The following IGLL5 variants were observed in gnomAD, a reference collection of about 807,000 sequenced individuals.
IGLL5 encodes immunoglobulin lambda-like polypeptide 5.
A neutral mutation model predicts 20.9 loss-of-function variants in IGLL5; 30 were observed. The observed-to-expected ratio is 1.44, with a 90% CI of 1.07 to 1.95. IGLL5 has a LOEUF of 1.95. Ranked by LOEUF, IGLL5 falls within the 30% of genes most tolerant of loss-of-function variation. The pLI is 0.00. For synonymous variants in IGLL5, 203 were observed against 117.3 expected (o/e 1.73, Z -4.72); for missense variants, 475 against 270.7 (o/e 1.75, Z -5.30).
chr22:22,894,758 T>A (rs2066694007), intron 2 of IGLL5, among the ~76,000 whole-genome samples: 1 of 150,980 alleles, frequency 6.6e-6, no homozygotes, highest in South Asian at 2.1e-4. Flanking sequence ...GTCGGGCTTG[T>A]GGAGACAGGA....
At chr22:22,888,668 G>A (rs1356050134) in intron 1 of IGLL5, among the ~76,000 whole-genome samples, 2 of 151,310 alleles carry the variant, frequency 1.3e-5, no homozygotes, top group African/African-American at 2.4e-5. Flanking sequence ...CCTGCCCAGT[G>A]AGGGCAGGGG....
At chr22:22,888,978 A>C (rs2067672180) in intron 1 of IGLL5, among the ~76,000 whole-genome samples, 1 of 151,346 alleles carries the variant, frequency 6.6e-6, no homozygotes, top group East Asian at 2.0e-4. Flanking sequence ...GCACAGGATG[A>C]GGCTGGGAGC....
chr22:22,889,832 A>G (rs183480374), intron 1 of IGLL5, among the ~76,000 whole-genome samples: 2 of 151,442 alleles, frequency 1.3e-5, no homozygotes, highest in Admixed American at 1.3e-4. Flanking sequence ...CCTAAGCTCA[A>G]GCAATCTTTC....
At chr22:22,888,893 T>C (rs1273737635) in intron 1 of IGLL5, among the ~76,000 whole-genome samples, 4 of 151,344 alleles carry the variant, frequency 2.6e-5, no homozygotes, top group East Asian at 2.0e-4. Context: ...ATGCCCAGGC[T>C]GGTCTCACAG....
intron 2 of IGLL5, among the ~76,000 whole-genome samples, 171 bp downstream of exon 2, chr22:22,893,989 A>C (rs1326309934): frequency 2.7e-5 from 4 of 150,784 alleles, no homozygotes; most frequent in South Asian, 2.1e-4. Flanking sequence ...AACCGGCAGG[A>C]AGGGCCTCCA....
intron 1 of IGLL5, among the ~76,000 whole-genome samples, chr22:22,888,663 C>A: frequency 1.3e-5 from 2 of 151,302 alleles, no homozygotes; most frequent in East Asian, 2.0e-4. Flanking sequence ...TGCCTCCTGC[C>A]CAGTGAGGGC....
In IGLL5 at chr22:22,888,105, C is replaced by T; in HGVS notation, c.52C>T (p.Pro18Ser). The change falls in exon 1 of 3, where the codon CCT becomes TCT. Residue 18 changes from proline to serine, a missense_variant. By Grantham distance (74) the Pro-to-Ser change is moderately conservative (BLOSUM62 -1). Coordinates refer to ENST00000526893, the MANE Select transcript of IGLL5 (RefSeq NM_001178126.2). ...VGCETPEELG[P>S]GPRQRWPLLL... is the part of the protein sequence containing the mutation. ...TTGTGAGACCCCTGAGGAGCTGGGCCCTGGTCCCAGGCAGCGCTGGCCCCT... is the reference window on the plus strand; with the variant it reads ...TTGTGAGACCCCTGAGGAGCTGGGCTCTGGTCCCAGGCAGCGCTGGCCCCT... 1 of 1,549,456 alleles carries T rather than the reference C, an allele frequency of 6.5e-7. No homozygotes were observed. The highest frequency in any genetic ancestry group is 8.7e-7 in the Non-Finnish European group (1 of 1,146,674).
chr22:22,889,373 A>C (rs1601607792), intron 1 of IGLL5, among the ~76,000 whole-genome samples: 1 of 151,220 alleles, frequency 6.6e-6, no homozygotes, highest in Admixed American at 6.6e-5. Flanking sequence ...TTTTAGCAAC[A>C]GGCGGCGAGT....
intron 1 of IGLL5, among the ~76,000 whole-genome samples, chr22:22,889,513 A>C (rs533938004): frequency 1.3e-5 from 2 of 151,396 alleles, no homozygotes; most frequent in East Asian, 2.0e-4. Flanking sequence ...CAGCATTATT[A>C]GTGATGGGAG....
chr22:22,893,264 G>A (rs1185390378), intron 1 of IGLL5, among the ~76,000 whole-genome samples: 4 of 151,124 alleles, frequency 2.6e-5, no homozygotes, highest in African/African-American at 7.3e-5. Context: ...GCACTAAGTG[G>A]GACTGAACCG....
At chr22:22,891,163 C>A (rs992936508) in intron 1 of IGLL5, among the ~76,000 whole-genome samples, 9 of 150,786 alleles carry the variant, frequency 6.0e-5, no homozygotes, top group African/African-American at 2.2e-4. Flanking sequence ...AGGAAGTTGT[C>A]TTTATTTCAA....
At position 22,895,834 on chromosome 22, in the gene IGLL5, A is replaced by G. The variant is rs2066756271; in HGVS notation, c.*140A>G. The G allele has an allele frequency of 2.5e-6, 2 of 809,480 alleles. No individual in the cohort carries two copies. Among genetic ancestry groups the G allele is most frequent in the East Asian group, 5.3e-5 (2 of 37,706 alleles). The allele number at this position is 809,480 out of a possible 1,614,324, so 50.1% of individuals were successfully genotyped here. A position where few individuals can be genotyped will look rare whatever the true frequency, so the allele number is the denominator to read the frequency against. ...TAAATATCCTCATTGACAACCAGAA[A>G]TCTTGTTTTATCTCATTTTTTTTCT... On this transcript the variant is annotated 3_prime_UTR_variant, in exon 3 of 3. Coordinates refer to ENST00000526893, the MANE Select transcript of IGLL5 (RefSeq NM_001178126.2).
At chr22:22,889,724 A>G (rs2067747482) in intron 1 of IGLL5, among the ~76,000 whole-genome samples, 2 of 151,300 alleles carry the variant, frequency 1.3e-5, no homozygotes, top group East Asian at 2.0e-4. Flanking sequence ...AGTAGCTAGG[A>G]CTACAGATGC....
rs187721279 is a variant in IGLL5, at chr22:22,887,839, A to C, written c.-215A>C. On this transcript the variant is annotated 5_prime_UTR_variant, in exon 1 of 3. Coordinates refer to ENST00000526893, the MANE Select transcript of IGLL5 (RefSeq NM_001178126.2). ...TTGTGACCGCTTCAGGGCAGTTGGT[A>C]GATGCCCCTCTGGGAGAGATCCCCA... 2 of 605,284 alleles carry C rather than the reference A, an allele frequency of 3.3e-6. No individual in the cohort carries two copies. Among genetic ancestry groups the C allele is most frequent in the Admixed American group, 2.9e-5 (1 of 34,482 alleles). The allele number at this position is 605,284 out of a possible 1,614,324, so 37.5% of individuals were successfully genotyped here.
chr22:22,889,405 C>T (rs1204211679), intron 1 of IGLL5, among the ~76,000 whole-genome samples: 3 of 151,260 alleles, frequency 2.0e-5, no homozygotes, highest in Admixed American at 6.6e-5. Flanking sequence ...GTGTGTTTAT[C>T]TAAACTGGGC....
At chr22:22,895,003 G>A (rs539014821) in intron 2 of IGLL5, among the ~76,000 whole-genome samples, 1 of 151,504 alleles carries the variant, frequency 6.6e-6, no homozygotes, top group South Asian at 2.1e-4. Context: ...AATAAAGTGG[G>A]TGATGGAGGG....
rs1601597096 is a variant in IGLL5, at chr22:22,887,940, C to G, written c.-114C>G. 9.5e-6 allele frequency: 8 copies of G among 838,832 alleles called. No individual in the cohort carries two copies. The highest frequency in any genetic ancestry group is 3.4e-5 in the African/African-American group (2 of 59,246). The allele number at this position is 838,832 out of a possible 1,614,324, so 52.0% of individuals were successfully genotyped here. ...GAGCCAGTCCAGGGAGAGGACAGAG[C>G]CAATGGACTGGGGTGTACTGTAACA... is the stretch of plus-strand genomic sequence containing the variant. On this transcript the variant is annotated 5_prime_UTR_variant, in exon 1 of 3. Transcript: ENST00000526893.
chr22:22,888,717 T>G (rs2067636404), intron 1 of IGLL5, among the ~76,000 whole-genome samples: 1 of 151,138 alleles, frequency 6.6e-6, no homozygotes, highest in African/African-American at 2.4e-5. Flanking sequence ...TGGTTTGGTC[T>G]CCCCCAAGGC....
At chr22:22,894,033 G>A (rs2067970744) in intron 2 of IGLL5, among the ~76,000 whole-genome samples, 1 of 150,282 alleles carries the variant, frequency 6.7e-6, no homozygotes, top group African/African-American at 2.5e-5. Flanking sequence ...CTGGTCCCGG[G>A]GCCTGAGCTG....
Sources: allele counts gnomAD v4.1 joint callset (sites outside exome capture counted in the v4.1 genomes callset), GRCh38; gene constraint gnomAD v4.1.1; transcripts MANE v1.5; gene names NCBI Gene and HGNC (gene_info 2026-07-23, HGNC 2026-07-21).